Variants in PRDM9 observed in about 807,000 individuals in gnomAD.
The protein encoded by PRDM9 is histone-lysine N-methyltransferase PRDM9.
In PRDM9, 47 loss-of-function variants were observed where a neutral mutation model predicts 55.6. The ratio of observed to expected loss-of-function variants is 0.85; its 90% CI spans 0.67 to 1.08. The LOEUF (loss-of-function observed/expected upper bound fraction) is 1.08, where lower values mean the gene tolerates loss of function less well. Ranked by LOEUF, PRDM9 falls within the 50% of genes least tolerant of loss-of-function variation. The probability of loss-of-function intolerance (pLI) is 0.00; values close to 1 mark genes in which losing one functional copy is unlikely to be tolerated. For missense variants in PRDM9, 867 were observed against 1,040.3 expected (o/e 0.83, Z 2.29); for synonymous variants, 312 against 375.7 (o/e 0.83, Z 1.96).
In PRDM9 at chr5:23,527,459, C is replaced by G. The variant is rs190574365; in HGVS notation, c.2371C>G (p.Leu791Val). 448 of 1,596,386 alleles carry G rather than the reference C, an allele frequency of 2.8e-4. 3 individuals carry two copies. The African/African-American group carries it at 3.5e-3, about 12-fold the overall frequency. ...GCGGGGCTTTAGAGATAAGTCAAAC[C>G]TCCTCAGTCACCAGAGGACACACAC... ...CGRGFRDKSNLLSHQRTHTGE... is the reference protein window; with the variant it reads ...CGRGFRDKSNVLSHQRTHTGE... The change falls in exon 11 of 11, where the codon CTC (leucine) becomes GTC (valine). Residue 791 changes from leucine (L) to valine (V), a missense_variant. Physicochemically the swap from Leu to Val is conservative, Grantham distance 32. This residue lies in a region of PRDM9 where 92 missense variants were observed against 185.7 expected (regional missense o/e 0.50). Coordinates refer to ENST00000296682, the MANE Select transcript of PRDM9 (RefSeq NM_020227.4).
At chr5:23,525,363 G>C (rs1209410050) in intron 10 of PRDM9, among the ~76,000 whole-genome samples, 1 of 152,226 alleles carries the variant, frequency 6.6e-6, no homozygotes, top group African/African-American at 2.4e-5. Context: ...GGGGAGCACG[G>C]AGGTAAGTCT....
Position 23,527,889 on chromosome 5 carries a change from T to A in PRDM9, c.*116T>A. 1 of 1,263,456 alleles carries A rather than the reference T, an allele frequency of 7.9e-7. No individual in the cohort carries two copies. The highest frequency in any genetic ancestry group is 1.1e-6 in the Non-Finnish European group (1 of 883,946). 78.3% of individuals were successfully genotyped at this position (1,263,456 alleles called of 1,614,324 possible). A position where few individuals can be genotyped will look rare whatever the true frequency, so the allele number is the denominator to read the frequency against. ...GCGGAAGTCTGCTGACCCCTTATAT[T>A]CCCCGAGAGTATAAAGAGATCGGAA... is the stretch of plus-strand genomic sequence containing the variant. On this transcript the variant is annotated 3_prime_UTR_variant, in exon 11 of 11. Coordinates refer to ENST00000296682, the MANE Select transcript of PRDM9 (RefSeq NM_020227.4).
rs1739357190 is a variant in PRDM9, at chr5:23,522,736, G to C, written c.733G>C (p.Gly245Arg). 6.2e-7 allele frequency: 1 copy of C among 1,614,098 alleles called. No individual in the cohort carries two copies. The highest frequency in any genetic ancestry group is 1.7e-5 in the Admixed American group (1 of 60,012). Residue 245 changes from glycine to arginine, a missense_variant, in exon 8 of 11, where the codon GGG becomes CGG. Physicochemically the swap from Gly to Arg is moderately radical, Grantham distance 125. Transcript: ENST00000296682. ...PNRSALSLPPGLRIGPSGIPQ... is the reference protein window; with the variant it reads ...PNRSALSLPPRLRIGPSGIPQ... ...CCGTTCAGCCCTCAGTCTGCCCCCA[G>C]GGCTGAGAATTGGGCCATCAGGCAT...
chr5:23,516,068 A>C (rs529740325), intron 4 of PRDM9, among the ~76,000 whole-genome samples: 5 of 152,324 alleles, frequency 3.3e-5, no homozygotes, highest in African/African-American at 1.2e-4. Context: ...ATTTTGATAG[A>C]GATGGCATTG....
chr5:23,508,531 T>C (rs1230505692), intron 1 of PRDM9, among the ~76,000 whole-genome samples: 9 of 152,206 alleles, frequency 5.9e-5, no homozygotes, highest in African/African-American at 2.2e-4. Flanking sequence ...CCAAATCCTG[T>C]CTATGCGAAA....
At chr5:23,523,098 C>T (rs1936848785) in intron 8 of PRDM9, among the ~76,000 whole-genome samples, 193 bp from the exon 9 acceptor site, 1 of 152,208 alleles carries the variant, frequency 6.6e-6, no homozygotes, top group Non-Finnish European at 1.5e-5. Flanking sequence ...TGCATCCTCC[C>T]TGTGGAGCTT....
At position 23,522,821 on chromosome 5, in the gene PRDM9, T is replaced by C. The variant is rs550842774; in HGVS notation, c.818T>C (p.Phe273Ser). The change falls in exon 8 of 11, where the codon TTT becomes TCT. Residue 273 changes from phenylalanine (F) to serine (S), a missense_variant. By Grantham distance (155) the Phe-to-Ser change is radical. Transcript: ENST00000296682. ...TCTGATCTGCCGCTGGGTCTGCACT[T>C]TGGCCCTTATGAGGGCCGAATTACA... ...EASDLPLGLH[F>S]GPYEGRITED... 6.2e-7 allele frequency: 1 copy of C among 1,614,230 alleles called. No individual in the cohort carries two copies. The highest frequency in any genetic ancestry group is 1.3e-5 in the African/African-American group (1 of 75,076).
intron 5 of PRDM9, among the ~76,000 whole-genome samples, chr5:23,520,360 T>G (rs1225976287): frequency 7.5e-6 from 1 of 134,082 alleles, no homozygotes; most frequent in Admixed American, 7.8e-5. Context: ...GCGAGACTCC[T>G]TCTCAAAAAA....
Position 23,522,290 on chromosome 5 carries a change from C to T in PRDM9, c.509-14C>T, listed in dbSNP as rs771793196. On this transcript the variant is annotated splice_polypyrimidine_tract_variant and intron_variant, in intron 6 of 10. Coordinates refer to ENST00000296682, the MANE Select transcript of PRDM9 (RefSeq NM_020227.4). The stretch of plus-strand genomic sequence containing the variant: ...AGATTCCCAATTTTACCCGTCTACT[C>T]TTCTCCAACCTAGAACTCAGGAAGA... 10 of 1,599,572 alleles carry T rather than the reference C, an allele frequency of 6.3e-6. No individual in the cohort carries two copies. The highest frequency in any genetic ancestry group is 1.3e-5 in the African/African-American group (1 of 74,712).
intron 6 of PRDM9, 46 bp from the exon 7 acceptor site, chr5:23,522,258 A>G: frequency 6.8e-7 from 1 of 1,473,050 alleles, no homozygotes; most frequent in Non-Finnish European, 9.5e-7. Flanking sequence ...ACAAGGACAA[A>G]CACCCCAGAT....
At chr5:23,512,696 T>C (rs1163681968) in intron 4 of PRDM9, among the ~76,000 whole-genome samples, 2 of 152,212 alleles carry the variant, frequency 1.3e-5, no homozygotes, top group East Asian at 1.9e-4. Flanking sequence ...TTATTAATTA[T>C]ATGCACATAG....
chr5:23,524,207 A>C (rs1739387130), intron 9 of PRDM9, 127 bp from the exon 10 acceptor site: 8 of 1,229,584 alleles, frequency 6.5e-6, no homozygotes, highest in African/African-American at 1.5e-5. Context: ...AGGTTCCCGG[A>C]GGAGTGGTGG....
At chr5:23,508,463 C>T (rs530101234) in intron 1 of PRDM9, among the ~76,000 whole-genome samples, 2 of 152,286 alleles carry the variant, frequency 1.3e-5, no homozygotes, top group African/African-American at 4.8e-5. Flanking sequence ...ATAGCTTCCC[C>T]TTAGAGATGC....
chr5:23,523,433 A>T (rs1400924458), intron 9 of PRDM9, 75 bp downstream of exon 9: 2 of 1,453,242 alleles, frequency 1.4e-6, no homozygotes, highest in South Asian at 2.3e-5. Flanking sequence ...CCTTATCATT[A>T]TGCCTCCCTC....
chr5:23,526,827 A>C lies in PRDM9; in HGVS notation c.1739A>C (p.Tyr580Ser), dbSNP rs1325219491. ...HQRIHTGEKP[Y>S]VCRECGRGFS... ...AGGATACACACAGGGGAGAAGCCCT[A>C]TGTCTGCAGGGAGTGTGGGCGGGGC... Residue 580 changes from tyrosine to serine, a missense_variant, in exon 11 of 11, where the codon TAT (tyrosine) becomes TCT (serine). By Grantham distance (144) the Tyr-to-Ser change is moderately radical. Around this residue, in one of 5 missense-constraint regions of PRDM9, gnomAD observed 662 missense variants for 711.9 expected, o/e 0.93. Coordinates refer to ENST00000296682, the MANE Select transcript of PRDM9 (RefSeq NM_020227.4). 6.3e-7 allele frequency: 1 copy of C among 1,589,358 alleles called. No homozygotes were observed. Among genetic ancestry groups the C allele is most frequent in the South Asian group, 1.1e-5 (1 of 88,846 alleles).
intron 4 of PRDM9, among the ~76,000 whole-genome samples, chr5:23,514,631 G>C (rs1177820302): frequency 6.6e-6 from 1 of 151,962 alleles, no homozygotes; most frequent in Non-Finnish European, 1.5e-5. Context: ...GTAGAGATGG[G>C]GTTTTACCAT....
chr5:23,509,474 A>C lies in PRDM9; in HGVS notation c.74A>C (p.Lys25Thr), dbSNP rs1318837888. ...TERTERKPMV[K>T]DAFKDISIYF... The stretch of plus-strand genomic sequence containing the variant: ...GGAATCTGTTACTTCCTCTAGGTCA[A>C]AGATGCCTTCAAAGACATTTCCATA... The change falls in exon 3 of 11, where the codon AAA becomes ACA. Residue 25 changes from lysine to threonine, a missense_variant. Lys to Thr is a moderately conservative substitution (Grantham distance 78). Coordinates refer to ENST00000296682, the MANE Select transcript of PRDM9 (RefSeq NM_020227.4). The C allele has an allele frequency of 1.2e-6, 2 of 1,614,088 alleles. No individual in the cohort carries two copies. Among genetic ancestry groups the C allele is most frequent in the Non-Finnish European group, 1.7e-6 (2 of 1,180,040 alleles).
Position 23,522,720 on chromosome 5 carries a change from C to A in PRDM9, c.717C>A (p.Ala239=). Residue 239 remains alanine, a synonymous_variant, in exon 8 of 11, where the codon GCC becomes GCA. Coordinates refer to ENST00000296682, the MANE Select transcript of PRDM9 (RefSeq NM_020227.4). ...AVDKGHPNRS[A]LSLPPGLRIG... The stretch of plus-strand genomic sequence containing the variant: ...ACAAGGGGCACCCCAACCGTTCAGC[C>A]CTCAGTCTGCCCCCAGGGCTGAGAA... 1.2e-6 allele frequency: 2 copies of A among 1,614,242 alleles called. No homozygotes were observed. The highest frequency in any genetic ancestry group is 2.2e-5 in the East Asian group (1 of 44,862).
intron 4 of PRDM9, 95 bp downstream of exon 4, chr5:23,510,122 T>C (rs1418366273): frequency 5.6e-6 from 7 of 1,252,396 alleles, no homozygotes; most frequent in Admixed American, 4.2e-5. Context: ...TGGCATGATC[T>C]TGGCTCACTG....
Sources: gnomAD v4.1 joint callset for allele counts (sites outside exome capture counted in the v4.1 genomes callset) on GRCh38, gnomAD v4.1.1 for gene constraint, gnomAD v4.1.1 regional missense constraint, MANE v1.5 for transcripts, NCBI Gene and HGNC (gene_info 2026-07-23, HGNC 2026-07-21) for gene names.